PLXNB1: variants seen among roughly 807,000 people sequenced by gnomAD.
The protein encoded by PLXNB1 is plexin B1, also known as plexin-B1.
PLXNB1 carries 106 observed loss-of-function variants against 209.4 expected under a neutral mutation model. The ratio of observed to expected loss-of-function variants is 0.51; its 90% CI spans 0.43 to 0.59. The LOEUF (loss-of-function observed/expected upper bound fraction) is 0.59, where lower values mean the gene tolerates loss of function less well. PLXNB1 is among the 20% of genes least tolerant of loss of function. The pLI is 0.00. For synonymous variants in PLXNB1, 1,167 were observed against 1,183.2 expected, an observed-to-expected ratio of 0.99 and a Z score of 0.28; for missense variants, 2,357 against 2,853.2, an observed-to-expected ratio of 0.83 and a Z score of 3.96.
chr3:48,418,680 G>T lies in PLXNB1; in HGVS notation c.2956-138C>A. ...GACCCCATGGGGCCACAAGTTGGAG[G>T]GCAGAGCCAGAAATGGAGTATGGGG... On this transcript the variant is annotated intron_variant, in intron 13 of 37. Coordinates refer to ENST00000296440, the MANE Select transcript of PLXNB1 (RefSeq NM_001130082.3). This position sits in a 1 kb window ranked among gnomAD's most constrained non-coding sequence, Gnocchi z 6.6. The T allele has an allele frequency of 1.1e-6, 1 of 886,144 alleles. No individual in the cohort carries two copies. Among genetic ancestry groups the T allele is most frequent in the South Asian group, 1.6e-5 (1 of 61,094 alleles). The allele number at this position is 886,144 out of a possible 1,614,324, so 54.9% of individuals were successfully genotyped here.
chr3:48,413,023 G>A lies in PLXNB1; in HGVS notation c.4636+46C>T, dbSNP rs753959945. 1.2e-6 allele frequency: 2 copies of A among 1,608,342 alleles called. No homozygotes were observed. Among genetic ancestry groups the A allele is most frequent in the Admixed American group, 3.3e-5 (2 of 60,010 alleles). On this transcript the variant is annotated intron_variant, in intron 24 of 37. Transcript: ENST00000296440. The surrounding 1 kb of genome is among the most constrained non-coding windows in gnomAD (Gnocchi z 5.4). ...CACCAATCCCGTGTGATGGGAGTGGGTTTGGGCAGAGTTCTGGAGGGCGGG... is the reference window on the plus strand; with the variant it reads ...CACCAATCCCGTGTGATGGGAGTGGATTTGGGCAGAGTTCTGGAGGGCGGG...
intron 3 of PLXNB1, among the ~76,000 whole-genome samples, chr3:48,423,194 GTCTCATTCCA>G (rs1360141613): frequency 6.6e-6 from 1 of 151,872 alleles, no homozygotes; most frequent in Non-Finnish European, 1.5e-5. Context: ...AGAACCAAAG[GTCTCATTCCA>G]TTCTAGGTCC....
rs113923687 is a variant in PLXNB1 at position 48,423,703 on chromosome 3, G to C, written c.909C>G (p.Pro303=). ...LFAAFSSAAP[P]TVGRPPSAAA... is the part of the protein sequence containing the mutation. ...CCGCCGATGGGGGCCGGCCCACAGT[G>C]GGGGGTGCAGCCGAGGAGAAAGCTG... The change falls in exon 3 of 38, where the codon CCC becomes CCG. Residue 303 remains proline, a synonymous_variant. Transcript: ENST00000296440. The C allele has an allele frequency of 8.0e-4, 1,293 of 1,613,698 alleles. 7 individuals carry two copies. The African/African-American group carries it at 0.013, about 16-fold the overall frequency.
Position 48,415,928 on chromosome 3 carries a change from C to T in PLXNB1, c.3617+103G>A. On this transcript the variant is annotated intron_variant, in intron 18 of 37. Coordinates refer to ENST00000296440, the MANE Select transcript of PLXNB1 (RefSeq NM_001130082.3). The surrounding 1 kb of genome is among the most constrained non-coding windows in gnomAD (Gnocchi z 5.0). ...AGGGTCTGGCCACTCTCTGAAGGAG[C>T]AGACTGGCCCTCTTCCCCTTTCTGC... 2 of 1,406,892 alleles carry T rather than the reference C, an allele frequency of 1.4e-6. No homozygotes were observed. The highest frequency in any genetic ancestry group is 1.4e-5 in the South Asian group (1 of 73,996). 87.2% of individuals were successfully genotyped at this position (1,406,892 alleles called of 1,614,324 possible).
In PLXNB1 at chr3:48,405,345, C is replaced by T. The variant is rs1489691987; in HGVS notation, c.6303+379G>A. Reference sequence around the variant, plus strand: ...TACCCTCACACCCCTGGCCCTGTGCCTGGACTCTCCTCTTCGCAGCTCATG... The same window carrying T: ...TACCCTCACACCCCTGGCCCTGTGCTTGGACTCTCCTCTTCGCAGCTCATG... On this transcript the variant is annotated intron_variant, in intron 37 of 37. Coordinates refer to ENST00000296440, the MANE Select transcript of PLXNB1 (RefSeq NM_001130082.3). The surrounding 1 kb of genome is among the most constrained non-coding windows in gnomAD (Gnocchi z 5.0). 6.6e-6 allele frequency among the ~76,000 whole-genome samples: 1 copy of T among 152,212 alleles called. No homozygotes were observed. Among genetic ancestry groups the T allele is most frequent in the African/African-American group, 2.4e-5 (1 of 41,466 alleles).
rs1208704682 is a variant in PLXNB1 at position 48,416,458 on chromosome 3, G to A, written c.3375-7C>T. 1 of 1,605,014 alleles carries A rather than the reference G, an allele frequency of 6.2e-7. No individual in the cohort carries two copies. The highest frequency in any genetic ancestry group is 1.1e-5 in the South Asian group (1 of 90,530). On this transcript the variant is annotated splice_region_variant and splice_polypyrimidine_tract_variant and intron_variant, in intron 16 of 37. Transcript: ENST00000296440. The surrounding 1 kb of genome is among the most constrained non-coding windows in gnomAD (Gnocchi z 4.1). ...CCCGGTGATGCACACGAGGCTGTAG[G>A]CACAGGGCAGGCTAGGGGGTGCCAG...
Position 48,419,099 on chromosome 3 carries a change from A to C in PLXNB1, c.2833-60T>G. On this transcript the variant is annotated intron_variant, in intron 12 of 37. Coordinates refer to ENST00000296440, the MANE Select transcript of PLXNB1 (RefSeq NM_001130082.3). This position sits in a 1 kb window ranked among gnomAD's most constrained non-coding sequence, Gnocchi z 5.7. Reference sequence around the variant, plus strand: ...AGGAGCTGGGCCCAGGGAGTCCTGCAGGTCACCCAACAGATCCCCCAGCAC... The same window carrying C: ...AGGAGCTGGGCCCAGGGAGTCCTGCCGGTCACCCAACAGATCCCCCAGCAC... The C allele has an allele frequency of 6.2e-7, 1 of 1,600,368 alleles. No homozygotes were observed. Among genetic ancestry groups the C allele is most frequent in the Non-Finnish European group, 8.5e-7 (1 of 1,170,232 alleles).
intron 10 of PLXNB1, 105 bp from the exon 11 acceptor site, chr3:48,420,362 A>G: frequency 1.4e-6 from 1 of 694,802 alleles, no homozygotes; most frequent in South Asian, 1.9e-5. Flanking sequence ...AGACCAAGGA[A>G]AAGAGAAATA....
Position 48,406,482 on chromosome 3 carries a change from G to T in PLXNB1, c.6228+341C>A. The T allele has an allele frequency of 1.5e-6, 1 of 668,996 alleles. No individual in the cohort carries two copies. The highest frequency in any genetic ancestry group is 1.8e-6 in the Non-Finnish European group (1 of 540,820). The allele number at this position is 668,996 out of a possible 1,614,324, so 41.4% of individuals were successfully genotyped here. ...GTTTCAGGAATGGGAGAGGTGAAGG[G>T]GACACCTGTGCCACCAAGGGAAGCA... On this transcript the variant is annotated intron_variant, in intron 36 of 37. Coordinates refer to ENST00000296440, the MANE Select transcript of PLXNB1 (RefSeq NM_001130082.3). The surrounding 1 kb of genome is among the most constrained non-coding windows in gnomAD (Gnocchi z 4.4).
intron 7 of PLXNB1, 134 bp downstream of exon 7, chr3:48,421,540 T>A (rs2038518870): frequency 1.5e-5 from 18 of 1,188,242 alleles, no homozygotes; most frequent in Non-Finnish European, 2.1e-5. Flanking sequence ...ATGGGGAAAC[T>A]GAGCTCCTAA....
chr3:48,428,365 ACT>A (rs1351201313), intron 1 of PLXNB1, among the ~76,000 whole-genome samples: 3 of 151,660 alleles, frequency 2.0e-5, no homozygotes, highest in Non-Finnish European at 4.4e-5. Context: ...CCAAAGCCTA[ACT>A]CTGCCTGTGC....
intron 1 of PLXNB1, among the ~76,000 whole-genome samples, chr3:48,428,969 C>T (rs2039041640): frequency 6.6e-6 from 1 of 152,214 alleles, no homozygotes; most frequent in Non-Finnish European, 1.5e-5. Context: ...AGGCGAGGAC[C>T]CCATCACTGG....
Position 48,419,595 on chromosome 3 carries a change from GGT to G in PLXNB1, c.2689_2690del (p.Thr897ProfsTer54). Reference protein sequence around the residue: ...LPSSLDYQYDTPGLWELEEAT... With the variant: ...LPSSLDYQYDXPGLWELEEAT... ...GCCTCACCAGCTCCCAGAGCCCGGG[GGT>G]GTCATACTGGTAGTCGAGGCTGGAC... On this transcript the variant is annotated frameshift_variant, in exon 11 of 38. Coordinates refer to ENST00000296440, the MANE Select transcript of PLXNB1 (RefSeq NM_001130082.3). LOFTEE classifies it high-confidence loss of function. This position sits in a 1 kb window ranked among gnomAD's most constrained non-coding sequence, Gnocchi z 5.7. 2 of 1,609,280 alleles carry G rather than the reference GGT, an allele frequency of 1.2e-6. No homozygotes were observed. Among genetic ancestry groups the G allele is most frequent in the Non-Finnish European group, 1.7e-6 (2 of 1,177,258 alleles).
chr3:48,410,444 ACTC>A lies in PLXNB1; in HGVS notation c.5520+8_5520+10del, dbSNP rs780353393. ...CCCACCATGCCCTCCTCCAGCTCCC[ACTC>A]CTCCTACCTTGTAATGCTGCAGTGT... On this transcript the variant is annotated splice_region_variant and intron_variant, in intron 30 of 37. Transcript: ENST00000296440. This position sits in a 1 kb window ranked among gnomAD's most constrained non-coding sequence, Gnocchi z 6.4. 2.3e-5 allele frequency: 37 copies of A among 1,612,246 alleles called. No individual in the cohort carries two copies. In the East Asian group the frequency reaches 7.1e-4, roughly 31 times the overall value.
Position 48,417,947 on chromosome 3 carries a change from C to A in PLXNB1, c.3338G>T (p.Cys1113Phe). 6.2e-7 allele frequency: 1 copy of A among 1,613,280 alleles called. No individual in the cohort carries two copies. The highest frequency in any genetic ancestry group is 8.5e-7 in the Non-Finnish European group (1 of 1,179,966). ...LGMVTVAGVP[C>F]AVDAQEYEVS... is the part of the protein sequence containing the mutation. ...CTCGTACTCCTGGGCATCCACAGCA[C>A]AGGGCACTCCAGCCACCGTGACCAT... The change falls in exon 16 of 38, where the codon TGT (cysteine) becomes TTT (phenylalanine). Residue 1113 changes from cysteine (C) to phenylalanine (F), a missense_variant. Physicochemically the swap from Cys to Phe is radical, Grantham distance 205. Transcript: ENST00000296440. The surrounding 1 kb of genome is among the most constrained non-coding windows in gnomAD (Gnocchi z 4.4).
At chr3:48,407,332 A>C (rs2037375664) in intron 34 of PLXNB1, among the ~76,000 whole-genome samples, 1 of 152,096 alleles carries the variant, frequency 6.6e-6, no homozygotes, top group East Asian at 1.9e-4. Context: ...ATGTCATCGG[A>C]AATCATTTCT....
Position 48,406,901 on chromosome 3 carries a change from G to A in PLXNB1, c.6153-3C>T. The A allele has an allele frequency of 6.2e-7, 1 of 1,613,052 alleles. No individual in the cohort carries two copies. Among genetic ancestry groups the A allele is most frequent in the South Asian group, 1.1e-5 (1 of 90,938 alleles). Reference sequence around the variant, plus strand: ...TCTGTCTGATGTCTGCATAGTACCTGCCAGAGAGCCAGGGCACAGCAGCTG... The same window carrying A: ...TCTGTCTGATGTCTGCATAGTACCTACCAGAGAGCCAGGGCACAGCAGCTG... On this transcript the variant is annotated splice_polypyrimidine_tract_variant and splice_region_variant and intron_variant, in intron 35 of 37. Transcript: ENST00000296440. The surrounding 1 kb of genome is among the most constrained non-coding windows in gnomAD (Gnocchi z 4.4).
At chr3:48,420,292 A>G in intron 10 of PLXNB1, 35 bp from the exon 11 acceptor site, 1 of 1,347,752 alleles carries the variant, frequency 7.4e-7, no homozygotes, top group South Asian at 1.3e-5. Context: ...AGGAAGGGCC[A>G]CTCAGCAGGC....
In PLXNB1 at chr3:48,418,540, G is replaced by A. The variant is rs753126023; in HGVS notation, c.2958C>T (p.Leu986=). The A allele has an allele frequency of 1.3e-6, 2 of 1,594,538 alleles. No individual in the cohort carries two copies. Among genetic ancestry groups the A allele is most frequent in the Non-Finnish European group, 1.7e-6 (2 of 1,171,260 alleles). Residue 986 remains leucine, a splice_region_variant and synonymous_variant, in exon 14 of 38, where the codon CTC becomes CTT. Coordinates refer to ENST00000296440, the MANE Select transcript of PLXNB1 (RefSeq NM_001130082.3). The surrounding 1 kb of genome is among the most constrained non-coding windows in gnomAD (Gnocchi z 6.6). Reference sequence around the variant, plus strand: ...GCTCCGGCTGCAGAGCCTCATAGCTGAGCTGGAGAAATGGGAGTGGGTTCA... The same window carrying A: ...GCTCCGGCTGCAGAGCCTCATAGCTAAGCTGGAGAAATGGGAGTGGGTTCA... ...QCHVTCQQHQ[L]SYEALQPELR... is the part of the protein sequence containing the mutation.
Sources: gnomAD v4.1 joint callset for allele counts (sites outside exome capture counted in the v4.1 genomes callset) on GRCh38, gnomAD v4.1.1 for gene constraint, Gnocchi (gnomAD v3.1) non-coding constraint, MANE v1.5 for transcripts, NCBI Gene and HGNC (gene_info 2026-07-23, HGNC 2026-07-21) for gene names.